The following PDE7B variants were observed in gnomAD, a reference collection of about 807,000 sequenced individuals.
PDE7B encodes the protein phosphodiesterase 7B.
In PDE7B, 29 loss-of-function variants were observed where a neutral mutation model predicts 56.2. The ratio of observed to expected loss-of-function variants is 0.52; its 90% CI spans 0.38 to 0.70. The LOEUF is 0.70. Ranked by LOEUF, PDE7B falls within the 30% of genes least tolerant of loss-of-function variation. PDE7B has a pLI of 0.00. For missense variants in PDE7B, 490 were observed against 565.0 expected (o/e 0.87, Z 1.35); for synonymous variants, 197 against 196.9 (o/e 1.00, Z 0.00).
chr6:136,072,300 G>C (rs1777062492), intron 2 of PDE7B, among the ~76,000 whole-genome samples: 1 of 152,164 alleles, frequency 6.6e-6, no homozygotes, highest in South Asian at 2.1e-4. Context: ...TACAGGGAGA[G>C]GAAATGGTGG....
chr6:136,005,467 C>T (rs1266678966), intron 2 of PDE7B, among the ~76,000 whole-genome samples: 2 of 152,084 alleles, frequency 1.3e-5, no homozygotes, highest in East Asian at 3.9e-4. Flanking sequence ...TGACAAAGGG[C>T]TAATATCCAG....
intron 3 of PDE7B, among the ~76,000 whole-genome samples, chr6:136,119,233 A>G (rs988389060): frequency 6.6e-6 from 1 of 152,254 alleles, no homozygotes. Context: ...AGCAGAATAG[A>G]AAAGTCTATA....
intron 2 of PDE7B, among the ~76,000 whole-genome samples, chr6:136,025,403 T>C (rs1776134555): frequency 6.6e-6 from 1 of 152,212 alleles, no homozygotes; most frequent in African/African-American, 2.4e-5. Flanking sequence ...CTAGGTTTAG[T>C]AGGTCAAAGA....
At chr6:135,923,819 T>C (rs1774134916) in intron 1 of PDE7B, among the ~76,000 whole-genome samples, 1 of 152,176 alleles carries the variant, frequency 6.6e-6, no homozygotes, top group Admixed American at 6.5e-5. Flanking sequence ...AATGAATTAA[T>C]ATCCTTTATA....
intron 2 of PDE7B, among the ~76,000 whole-genome samples, chr6:136,019,945 G>T (rs539493771): frequency 6.6e-4 from 100 of 152,278 alleles, no homozygotes; most frequent in African/African-American, 2.3e-3. Context: ...TCTCAGGGTA[G>T]CAAGAAGAGA....
At chr6:136,071,869 G>A (rs544514054) in intron 2 of PDE7B, among the ~76,000 whole-genome samples, 1 of 152,236 alleles carries the variant, frequency 6.6e-6, no homozygotes, top group South Asian at 2.1e-4. Flanking sequence ...GCCTAACAAG[G>A]TACACAGTGC....
At chr6:136,094,786 C>T (rs1777446816) in intron 2 of PDE7B, 1 of 152,100 alleles carries the variant, frequency 6.6e-6, no homozygotes, top group African/African-American at 2.4e-5. Flanking sequence ...GAGCCTGGCA[C>T]ATAGTAGGCA....
intron 3 of PDE7B, among the ~76,000 whole-genome samples, chr6:136,137,145 C>A (rs190440970): frequency 9.2e-5 from 14 of 151,988 alleles, no homozygotes; most frequent in African/African-American, 3.4e-4. Context: ...ATCCCAGCTA[C>A]CCTGGAGGCT....
chr6:135,852,142 A>T, intron 1 of PDE7B, 123 bp downstream of exon 1: 2 of 729,218 alleles, frequency 2.7e-6, no homozygotes, highest in Non-Finnish European at 5.0e-6. Context: ...TGTGATTGTT[A>T]CTACAGCAAC....
At chr6:136,035,576 C>T (rs1326595422) in intron 2 of PDE7B, among the ~76,000 whole-genome samples, 2 of 152,040 alleles carry the variant, frequency 1.3e-5, no homozygotes, top group Admixed American at 1.3e-4. Context: ...GAAAATAATC[C>T]CATATTGGGG....
intron 3 of PDE7B, among the ~76,000 whole-genome samples, chr6:136,142,915 CTG>C (rs1227978831): frequency 1.3e-5 from 2 of 152,126 alleles, no homozygotes; most frequent in African/African-American, 4.8e-5. Flanking sequence ...ATTTGCCAGT[CTG>C]TGTCTTTTAA....
intron 2 of PDE7B, among the ~76,000 whole-genome samples, chr6:136,018,585 G>A (rs570496427): frequency 6.6e-6 from 1 of 152,206 alleles, no homozygotes; most frequent in East Asian, 1.9e-4. Context: ...AGTCTAAGCA[G>A]TGAAAAGAAC....
intron 1 of PDE7B, among the ~76,000 whole-genome samples, chr6:135,900,849 C>G (rs2128191716): frequency 1.3e-5 from 2 of 152,218 alleles, no homozygotes; most frequent in Admixed American, 1.3e-4. Flanking sequence ...GTGGCAGATT[C>G]TCCTAGCCCC....
At chr6:135,884,916 A>G (rs1306257040) in intron 1 of PDE7B, among the ~76,000 whole-genome samples, 1 of 152,142 alleles carries the variant, frequency 6.6e-6, no homozygotes, top group Non-Finnish European at 1.5e-5. Flanking sequence ...TTAGCATTCT[A>G]CAGATGAGGA....
intron 2 of PDE7B, among the ~76,000 whole-genome samples, chr6:136,009,675 A>T (rs1206323493): frequency 6.6e-6 from 1 of 152,312 alleles, no homozygotes; most frequent in Non-Finnish European, 1.5e-5. Flanking sequence ...ATTTTTGCAC[A>T]TTGATTTTGT....
In PDE7B at chr6:136,181,137, T is replaced by C. The variant is rs888077475; in HGVS notation, c.949-90T>C. ...TATGGGCCTGGTACTGTGAGCAGAC[T>C]GAACAGCTTGATAGCCTCTTTGGCT... On this transcript the variant is annotated intron_variant, in intron 10 of 12. Coordinates refer to ENST00000308191, the MANE Select transcript of PDE7B (RefSeq NM_018945.4). 4.9e-5 allele frequency: 43 copies of C among 872,500 alleles called. No homozygotes were observed. The East Asian group carries it at 1.0e-3, about 21-fold the overall frequency. The allele number at this position is 872,500 out of a possible 1,614,324, so 54.0% of individuals were successfully genotyped here. A position where few individuals can be genotyped will look rare whatever the true frequency, so the allele number is the denominator to read the frequency against.
intron 1 of PDE7B, among the ~76,000 whole-genome samples, chr6:135,901,969 C>T (rs1776009342): frequency 6.6e-6 from 1 of 152,126 alleles, no homozygotes; most frequent in Non-Finnish European, 1.5e-5. Context: ...CTCTAAGTTT[C>T]AGCTTCCATA....
At chr6:136,167,439 G>T (rs1562511325) in intron 8 of PDE7B, among the ~76,000 whole-genome samples, 1 of 152,022 alleles carries the variant, frequency 6.6e-6, no homozygotes, top group Non-Finnish European at 1.5e-5. Context: ...AGATCTGATG[G>T]TTTCATAAAG....
intron 8 of PDE7B, among the ~76,000 whole-genome samples, chr6:136,170,205 G>C (rs1778857412): frequency 6.6e-6 from 1 of 152,014 alleles, no homozygotes; most frequent in South Asian, 2.1e-4. Context: ...TAATATAATG[G>C]GATGGTTTTT....
Sources: gnomAD v4.1 joint callset for allele counts (sites outside exome capture counted in the v4.1 genomes callset) on GRCh38, gnomAD v4.1.1 for gene constraint, MANE v1.5 for transcripts, NCBI Gene and HGNC (gene_info 2026-07-23, HGNC 2026-07-21) for gene names.